The following G2E3 variants were observed in gnomAD, a reference collection of about 807,000 sequenced individuals.
The protein encoded by G2E3 is G2/M phase-specific E3 ubiquitin-protein ligase.
A neutral mutation model predicts 92.8 loss-of-function variants in G2E3; 35 were observed. The ratio of observed to expected loss-of-function variants is 0.38; its 90% CI spans 0.29 to 0.50. The LOEUF is 0.50. Among genes scored for constraint, G2E3 ranks in the 20% least tolerant of loss-of-function variants. The probability of loss-of-function intolerance (pLI) is 0.94; values close to 1 mark genes in which losing one functional copy is unlikely to be tolerated. For synonymous variants in G2E3, 242 were observed against 272.4 expected, an observed-to-expected ratio of 0.89 and a Z score of 1.10; for missense variants, 554 against 823.8, an observed-to-expected ratio of 0.67 and a Z score of 4.01.
In G2E3 at chr14:30,615,473, A is replaced by G. The variant is rs1331208087; in HGVS notation, c.1798A>G (p.Thr600Ala). 3 of 1,611,288 alleles carry G rather than the reference A, an allele frequency of 1.9e-6. No homozygotes were observed. The highest frequency in any genetic ancestry group is 2.5e-6 in the Non-Finnish European group (3 of 1,178,296). Residue 600 changes from threonine to alanine, a missense_variant, in exon 14 of 15, where the codon ACA becomes GCA. This residue lies in a region of G2E3 where 397 missense variants were observed against 560.3 expected (regional missense o/e 0.71). Transcript: ENST00000206595. ...TGCAAAAATCCTTAGTGAGCTTTTTACAGTACACACATTACCTGATGTGAA... is the reference window on the plus strand; with the variant it reads ...TGCAAAAATCCTTAGTGAGCTTTTTGCAGTACACACATTACCTGATGTGAA... Reference protein sequence around the residue: ...LSAKILSELFTVHTLPDVKAL... With the variant: ...LSAKILSELFAVHTLPDVKAL...
chr14:30,596,129 G>GGTGTGT (rs1031987606), intron 6 of G2E3, among the ~76,000 whole-genome samples: 1 of 53,730 alleles, frequency 1.9e-5, no homozygotes, highest in Non-Finnish European at 4.6e-5. Context: ...TGGGTGGGTG[G>GGTGTGT]GTGTGCGTGT....
chr14:30,560,815 T>A, intron 1 of G2E3: 1 of 701,896 alleles, frequency 1.4e-6, no homozygotes, highest in Non-Finnish European at 2.6e-6. Flanking sequence ...GAGGATGGCA[T>A]TGAACAGTCT....
At chr14:30,605,185 C>T (rs1046480112) in intron 10 of G2E3, among the ~76,000 whole-genome samples, 4 of 152,140 alleles carry the variant, frequency 2.6e-5, no homozygotes, top group African/African-American at 9.7e-5. Flanking sequence ...TGTGAGCCAC[C>T]GCGCCTGGCC....
intron 1 of G2E3, among the ~76,000 whole-genome samples, chr14:30,564,461 C>G (rs937180413): frequency 6.6e-6 from 1 of 152,114 alleles, no homozygotes; most frequent in African/African-American, 2.4e-5. Context: ...GCTTCCCAGG[C>G]AGCTAGGACT....
At chr14:30,577,173 C>T (rs1002375648) in intron 1 of G2E3, among the ~76,000 whole-genome samples, 1 of 135,454 alleles carries the variant, frequency 7.4e-6, no homozygotes, top group East Asian at 2.2e-4. Context: ...TGCAGTGAGC[C>T]GAGATTGCGT....
intron 1 of G2E3, among the ~76,000 whole-genome samples, chr14:30,563,695 T>TTGTG (rs56029424): frequency 0.077 from 10,852 of 141,110 alleles, 457 homozygotes; most frequent in African/African-American, 0.1. Context: ...TTTGTTACTT[T>TTGTG]TGTGTGTGTG....
chr14:30,568,623 C>A (rs1879577730), intron 1 of G2E3, among the ~76,000 whole-genome samples: 1 of 152,002 alleles, frequency 6.6e-6, no homozygotes. Context: ...CTTATAACAA[C>A]CTAGTTTGAA....
intron 12 of G2E3, among the ~76,000 whole-genome samples, chr14:30,611,064 G>A (rs1429416761): frequency 1.3e-5 from 2 of 152,196 alleles, no homozygotes; most frequent in Non-Finnish European, 2.9e-5. Context: ...TCATTATCGT[G>A]TAACACTTAG....
intron 1 of G2E3, among the ~76,000 whole-genome samples, chr14:30,563,622 G>A (rs1879248122): frequency 6.6e-6 from 1 of 151,956 alleles, no homozygotes; most frequent in Non-Finnish European, 1.5e-5. Context: ...GTGGGGTAGG[G>A]GAGGATGACA....
intron 14 of G2E3, 26 bp from the exon 15 acceptor site, chr14:30,616,252 A>G: frequency 6.8e-7 from 1 of 1,478,274 alleles, no homozygotes; most frequent in Non-Finnish European, 9.4e-7. Context: ...TGTTTCTTTT[A>G]CTCTTTTATT....
rs1211065681 is a variant in G2E3 at position 30,617,275 on chromosome 14, C to T, written c.*741C>T. On this transcript the variant is annotated 3_prime_UTR_variant, in exon 15 of 15. Coordinates refer to ENST00000206595, the MANE Select transcript of G2E3 (RefSeq NM_017769.5). ...CATCTCAAAAAAAAAAACAGAATTG[C>T]ACAAATTTTCTGGAATCTATGGACA... 1 of 151,554 alleles carries T rather than the reference C, an allele frequency of 6.6e-6. No individual in the cohort carries two copies. Among genetic ancestry groups the T allele is most frequent in the African/African-American group, 2.4e-5 (1 of 41,290 alleles). The allele number at this position is 151,554 out of a possible 1,614,324, so 9.4% of individuals were successfully genotyped here. A position where few individuals can be genotyped will look rare whatever the true frequency, so the allele number is the denominator to read the frequency against.
At chr14:30,601,124 A>T (rs147691179) in intron 8 of G2E3, among the ~76,000 whole-genome samples, 2 of 152,242 alleles carry the variant, frequency 1.3e-5, no homozygotes, top group Non-Finnish European at 2.9e-5. Flanking sequence ...ACTCACACAC[A>T]CGGGGAGCTA....
rs148395548 is a variant in G2E3 at position 30,590,264 on chromosome 14, C to T, written c.237+780C>T. 5.6e-4 allele frequency among the ~76,000 whole-genome samples: 85 copies of T among 152,200 alleles called. 1 individual carries two copies. Among genetic ancestry groups the T allele is most frequent in the African/African-American group, 2.0e-3 (82 of 41,534 alleles). On this transcript the variant is annotated intron_variant, in intron 4 of 14. Coordinates refer to ENST00000206595, the MANE Select transcript of G2E3 (RefSeq NM_017769.5). ...CTGGAGGGGAAATGAAGGACACTGA[C>T]ACATTATAGTTGAAGAAGTCAAAGA...
chr14:30,606,495 A>G (rs1881838157), intron 11 of G2E3, among the ~76,000 whole-genome samples: 1 of 152,130 alleles, frequency 6.6e-6, no homozygotes, highest in Non-Finnish European at 1.5e-5. Flanking sequence ...TGTATAGTTC[A>G]CACAGTTTAA....
In G2E3 at chr14:30,607,874, A is replaced by C; in HGVS notation, c.1319-14A>C. On this transcript the variant is annotated splice_polypyrimidine_tract_variant and intron_variant, in intron 11 of 14. Transcript: ENST00000206595. ...ATAGAAGTGTATTTGATATATTTTCATCTGTATTTACAGCTCTGAAAGAGA... is the reference window on the plus strand; with the variant it reads ...ATAGAAGTGTATTTGATATATTTTCCTCTGTATTTACAGCTCTGAAAGAGA... The C allele has an allele frequency of 1.4e-6, 2 of 1,472,218 alleles. No homozygotes were observed. Among genetic ancestry groups the C allele is most frequent in the South Asian group, 2.4e-5 (2 of 84,672 alleles). 91.2% of individuals were successfully genotyped at this position (1,472,218 alleles called of 1,614,324 possible).
At chr14:30,586,671 G>T in intron 2 of G2E3, 47 bp from the exon 3 acceptor site, 1 of 650,272 alleles carries the variant, frequency 1.5e-6, no homozygotes, top group Non-Finnish European at 2.6e-6. Context: ...GGGTTTTTTT[G>T]AAATATTTAA....
chr14:30,595,884 C>T (rs916376001), intron 6 of G2E3, among the ~76,000 whole-genome samples: 5 of 152,186 alleles, frequency 3.3e-5, no homozygotes, highest in Non-Finnish European at 7.3e-5. Context: ...ACTTTCCACT[C>T]TGTGTCTACA....
chr14:30,612,970 G>A (rs1882161697), intron 13 of G2E3, among the ~76,000 whole-genome samples: 2 of 152,036 alleles, frequency 1.3e-5, no homozygotes, highest in South Asian at 4.1e-4. Flanking sequence ...TACCACATGA[G>A]CCAACTATTC....
chr14:30,593,602 G>A lies in G2E3; in HGVS notation c.491G>A (p.Cys164Tyr). Reference sequence around the variant, plus strand: ...AGTTATAACATATTACGAAGTCCTTGTTGTAAGAACGCTTGGTTTCATAGA... The same window carrying A: ...AGTTATAACATATTACGAAGTCCTTATTGTAAGAACGCTTGGTTTCATAGA... ...IPSYNILRSP[C>Y]CKNAWFHRDC... The change falls in exon 6 of 15, where the codon TGT becomes TAT. Residue 164 changes from cysteine to tyrosine, a missense_variant. Transcript: ENST00000206595. The A allele has an allele frequency of 6.2e-7, 1 of 1,608,976 alleles. No homozygotes were observed. Among genetic ancestry groups the A allele is most frequent in the Non-Finnish European group, 8.5e-7 (1 of 1,175,862 alleles).
Sources: allele counts gnomAD v4.1 joint callset (sites outside exome capture counted in the v4.1 genomes callset), GRCh38; gene constraint gnomAD v4.1.1; regional missense constraint gnomAD v4.1.1; transcripts MANE v1.5; gene names NCBI Gene and HGNC (gene_info 2026-07-23, HGNC 2026-07-21).